CUX1: variants seen among roughly 807,000 people sequenced by gnomAD.
CUX1 encodes the protein cut like homeobox 1, also known as protein CASP.
CUX1 carries 31 observed loss-of-function variants against 158.8 expected under a neutral mutation model. The ratio of observed to expected loss-of-function variants is 0.20; its 90% CI spans 0.15 to 0.26. The LOEUF (loss-of-function observed/expected upper bound fraction) is 0.26. Among genes scored for constraint, CUX1 ranks in the 10% least tolerant of loss-of-function variants. The pLI is 1.00. For missense variants in CUX1, 1,589 were observed against 2,014.6 expected (o/e 0.79, Z 4.04); for synonymous variants, 879 against 862.1 (o/e 1.02, Z -0.34).
chr7:102,041,736 C>T (rs1431747587), intron 3 of CUX1, among the ~76,000 whole-genome samples: 2 of 135,868 alleles, frequency 1.5e-5, no homozygotes, highest in East Asian at 2.1e-4. Context: ...TGGATGATCT[C>T]GGCTCACTGC....
rs1207950007 is a variant in CUX1, at chr7:102,256,737, ACTT to A, written c.*7698_*7700del. 2 of 985,268 alleles carry A rather than the reference ACTT, an allele frequency of 2.0e-6. No homozygotes were observed. The highest frequency in any genetic ancestry group is 2.4e-6 in the Non-Finnish European group (2 of 829,938). The allele number at this position is 985,268 out of a possible 1,614,324, so 61.0% of individuals were successfully genotyped here. On this transcript the variant is annotated 3_prime_UTR_variant, in exon 24 of 24. Coordinates refer to ENST00000292535, the MANE Select transcript of CUX1 (RefSeq NM_181552.4). ...AAAGCCTCCTAGAGCCTCTGGTAAG[ACTT>A]CTGGGTTCATGAAGTTTCGGCGAGC...
At chr7:102,108,082 A>G (rs928476961) in intron 6 of CUX1, among the ~76,000 whole-genome samples, 1 of 152,202 alleles carries the variant, frequency 6.6e-6, no homozygotes, top group South Asian at 2.1e-4. Context: ...AACGCGAGCA[A>G]TCTCAGTGCC....
chr7:101,850,711 C>T (rs2131264730), intron 1 of CUX1, among the ~76,000 whole-genome samples: 1 of 152,222 alleles, frequency 6.6e-6, no homozygotes, highest in Middle Eastern at 3.4e-3. Context: ...CAGGCTTATA[C>T]CACTTGTCTT....
chr7:102,188,363 G>A (rs1793859884), intron 11 of CUX1, among the ~76,000 whole-genome samples: 1 of 152,150 alleles, frequency 6.6e-6, no homozygotes, highest in South Asian at 2.1e-4. Flanking sequence ...GTTTTATGTA[G>A]AGTTGCCTCA....
At chr7:102,231,220 C>T (rs1321593593) in intron 21 of CUX1, among the ~76,000 whole-genome samples, 3 of 151,848 alleles carry the variant, frequency 2.0e-5, no homozygotes, top group East Asian at 1.9e-4. Flanking sequence ...TTAGTAGAGA[C>T]GGGGTTTCAC....
At chr7:101,990,558 G>A (rs1049534069) in intron 2 of CUX1, among the ~76,000 whole-genome samples, 3 of 152,108 alleles carry the variant, frequency 2.0e-5, no homozygotes, top group African/African-American at 7.2e-5. Context: ...TGTATTTTTA[G>A]TAGAGATGGG....
At chr7:101,999,139 G>T (rs1042602534) in intron 2 of CUX1, among the ~76,000 whole-genome samples, 1 of 151,964 alleles carries the variant, frequency 6.6e-6, no homozygotes, top group African/African-American at 2.4e-5. Context: ...GCTGTGGCTG[G>T]GCTGTGCTTC....
In CUX1 at chr7:102,097,415, G is replaced by T; in HGVS notation, c.320G>T (p.Arg107Leu). Residue 107 changes from arginine (R) to leucine (L), a missense_variant, in exon 5 of 24, where the codon CGC becomes CTC. Transcript: ENST00000292535. ...LGQQLQLKVQ[R>L]LHDIETENQK... ...CAGCAACTCCAGCTCAAAGTGCAGC[G>T]CCTGCACGATATTGAAACAGAGAAC... 3.7e-6 allele frequency: 6 copies of T among 1,613,708 alleles called. No homozygotes were observed. The highest frequency in any genetic ancestry group is 1.1e-5 in the South Asian group (1 of 90,962).
At position 102,201,025 on chromosome 7, in the gene CUX1, TAAAAAAAAAAAAAA is replaced by T. The variant is rs78359248; in HGVS notation, c.2063-319_2063-306del. 2.8e-4 allele frequency among the ~76,000 whole-genome samples: 12 copies of T among 42,140 alleles called. No individual in the cohort carries two copies. In the South Asian group the frequency reaches 5.2e-3, roughly 18 times the overall value. The allele number at this position is 42,140 out of a possible 152,430, so 27.6% of individuals were successfully genotyped here. ...CTGGACAACAGCGAGATCCTGTCGC[TAAAAAAAAAAAAAA>T]AAAAAAAAAAAAAAATTCTCGGGGA... On this transcript the variant is annotated intron_variant, in intron 17 of 23. Transcript: ENST00000292535. The surrounding 1 kb of genome is among the most constrained non-coding windows in gnomAD (Gnocchi z 5.0).
rs928133564 is a variant in CUX1, at chr7:101,989,896, C to T, written c.142-38202C>T. On this transcript the variant is annotated intron_variant, in intron 2 of 23. Transcript: ENST00000292535. ...AAGACACTCAAAGTCTGTCCGTACA[C>T]GCTCGGTGTGGGCATCGCTTGCACG... Among the ~76,000 whole-genome samples, 5 of 152,232 alleles carry T rather than the reference C, an allele frequency of 3.3e-5. No individual in the cohort carries two copies. The South Asian group carries it at 6.2e-4, about 19-fold the overall frequency.
upstream of CUX1, chr7:101,817,443 C>A (rs571287116): frequency 1.0e-6 from 1 of 984,156 alleles, no homozygotes; most frequent in Admixed American, 6.2e-5. This position sits in a 1 kb window ranked among gnomAD's most constrained non-coding sequence, Gnocchi z 4.1. Flanking sequence ...GGCGGTGGTC[C>A]GCGCGCGGAG....
At chr7:102,113,865 G>T (rs771317501) in intron 7 of CUX1, among the ~76,000 whole-genome samples, 1 of 152,106 alleles carries the variant, frequency 6.6e-6, no homozygotes, top group Non-Finnish European at 1.5e-5. Context: ...ACCGCACCTG[G>T]CCTTTAAAAA....
intron 8 of CUX1, among the ~76,000 whole-genome samples, chr7:102,157,049 C>T (rs1330490629): frequency 6.6e-6 from 1 of 152,196 alleles, no homozygotes; most frequent in African/African-American, 2.4e-5. Flanking sequence ...GCAGGCGGCG[C>T]AGGTGGAGGC....
chr7:102,198,688 C>A, intron 15 of CUX1, 114 bp from the exon 16 acceptor site: 1 of 891,802 alleles, frequency 1.1e-6, no homozygotes, highest in Non-Finnish European at 1.8e-6. Context: ...GCACAGGCAG[C>A]CCTGAGCCCT....
At chr7:102,053,623 A>G (rs1358315120) in intron 3 of CUX1, among the ~76,000 whole-genome samples, 1 of 151,714 alleles carries the variant, frequency 6.6e-6, no homozygotes, top group Admixed American at 6.6e-5. Flanking sequence ...CCATCCTTCT[A>G]CTTTCTATGT....
chr7:102,126,145 C>A (rs562326610), intron 8 of CUX1, among the ~76,000 whole-genome samples: 1 of 151,212 alleles, frequency 6.6e-6, no homozygotes, highest in Non-Finnish European at 1.5e-5. Flanking sequence ...TCCCGAGTAC[C>A]TGGGACTACA....
At chr7:102,033,385 G>T (rs1324121074) in intron 3 of CUX1, among the ~76,000 whole-genome samples, 1 of 151,628 alleles carries the variant, frequency 6.6e-6, no homozygotes, top group African/African-American at 2.4e-5. Flanking sequence ...AGAAATGAAT[G>T]AAAAAAACAA....
chr7:102,151,283 C>T (rs1245998332), intron 8 of CUX1, among the ~76,000 whole-genome samples: 2 of 151,972 alleles, frequency 1.3e-5, no homozygotes, highest in African/African-American at 4.8e-5. Context: ...CTGGGCGCGT[C>T]GGTTCACGCC....
intron 8 of CUX1, among the ~76,000 whole-genome samples, chr7:102,144,132 A>G (rs782173396): frequency 6.6e-6 from 1 of 152,214 alleles, no homozygotes; most frequent in Non-Finnish European, 1.5e-5. Flanking sequence ...AGCCACAGCC[A>G]TGCAGCGTCC....
Sources: gnomAD v4.1 joint callset for allele counts (sites outside exome capture counted in the v4.1 genomes callset) on GRCh38, gnomAD v4.1.1 for gene constraint, Gnocchi (gnomAD v3.1) non-coding constraint, MANE v1.5 for transcripts, NCBI Gene and HGNC (gene_info 2026-07-23, HGNC 2026-07-21) for gene names.